Variants in LIN7A observed in about 807,000 individuals in gnomAD.
LIN7A encodes lin-7 cell polarity scaffold A, also known as protein lin-7 homolog A.
Under a neutral mutation model 29.8 loss-of-function variants are expected in LIN7A, and 25 were observed. That is an observed-to-expected ratio of 0.84 (90% confidence interval 0.61 to 1.17). The LOEUF is 1.17. LIN7A is among the 50% of genes most tolerant of loss of function. The probability of loss-of-function intolerance (pLI) is 0.00; values close to 1 mark genes in which losing one functional copy is unlikely to be tolerated. For missense variants in LIN7A, 239 were observed against 287.0 expected, an observed-to-expected ratio of 0.83 and a Z score of 1.21; for synonymous variants, 118 against 107.5, an observed-to-expected ratio of 1.10 and a Z score of -0.60.
intron 2 of LIN7A, among the ~76,000 whole-genome samples, chr12:80,849,593 C>G (rs759326135): frequency 4.6e-5 from 7 of 152,060 alleles, no homozygotes; most frequent in Non-Finnish European, 1.0e-4. Flanking sequence ...TGTCTGCTGC[C>G]CTTACTGCAA....
At chr12:80,871,258 G>A (rs572549533) in intron 2 of LIN7A, among the ~76,000 whole-genome samples, 33 of 152,226 alleles carry the variant, frequency 2.2e-4, no homozygotes, top group African/African-American at 7.9e-4. Context: ...GTGAGGTAAT[G>A]GAAAAGAATG....
At chr12:80,828,712 C>G (rs371561232) in intron 4 of LIN7A, among the ~76,000 whole-genome samples, 6 of 152,104 alleles carry the variant, frequency 3.9e-5, no homozygotes, top group South Asian at 2.1e-4. Context: ...GGTAACAAAT[C>G]ATTGTCTGGA....
At chr12:80,914,258 A>C (rs1200328248) in intron 1 of LIN7A, among the ~76,000 whole-genome samples, 1 of 152,198 alleles carries the variant, frequency 6.6e-6, no homozygotes, top group Non-Finnish European at 1.5e-5. Flanking sequence ...TGCATATTAC[A>C]TACCATTTGG....
rs532372511 is a variant in LIN7A at position 80,796,635 on chromosome 12, C to A, written c.*1092G>T. On this transcript the variant is annotated 3_prime_UTR_variant, in exon 6 of 6. Transcript: ENST00000552864. The stretch of plus-strand genomic sequence containing the variant: ...AATAATACTTGTTTATCTGAGAGTG[C>A]CAAAAATATCTGGTTTATATTTGGG... 3 of 152,128 alleles carry A rather than the reference C, an allele frequency of 2.0e-5. No homozygotes were observed. In the East Asian group the frequency reaches 5.8e-4, roughly 29 times the overall value. The allele number at this position is 152,128 out of a possible 1,614,324, so 9.4% of individuals were successfully genotyped here.
At chr12:80,844,479 A>G (rs534827184) in intron 4 of LIN7A, among the ~76,000 whole-genome samples, 2 of 152,310 alleles carry the variant, frequency 1.3e-5, no homozygotes, top group South Asian at 4.2e-4. Context: ...CCAATAAAAT[A>G]TCATGTTCCA....
intron 1 of LIN7A, among the ~76,000 whole-genome samples, chr12:80,926,795 G>C (rs1457246423): frequency 2.0e-5 from 3 of 151,902 alleles, no homozygotes; most frequent in Non-Finnish European, 4.4e-5. Context: ...CGGGCATGGT[G>C]GTGGGAGCCT....
chr12:80,911,303 A>G (rs1317970508), intron 1 of LIN7A, among the ~76,000 whole-genome samples: 2 of 134,536 alleles, frequency 1.5e-5, no homozygotes, highest in Non-Finnish European at 3.1e-5. Flanking sequence ...TGGGGAGAAG[A>G]TGAGGTCTCA....
intron 4 of LIN7A, among the ~76,000 whole-genome samples, chr12:80,816,064 T>A (rs1276979480): frequency 6.6e-6 from 1 of 152,122 alleles, no homozygotes; most frequent in African/African-American, 2.4e-5. Flanking sequence ...ATCCTGAAAA[T>A]GCTTCTATCT....
intron 1 of LIN7A, among the ~76,000 whole-genome samples, chr12:80,935,469 G>C (rs1878159438): frequency 6.6e-6 from 1 of 152,216 alleles, no homozygotes; most frequent in Non-Finnish European, 1.5e-5. Context: ...CTGATGTCCA[G>C]AGAGGCTGAT....
intron 1 of LIN7A, among the ~76,000 whole-genome samples, chr12:80,893,538 A>G (rs1341112227): frequency 6.6e-6 from 1 of 152,190 alleles, no homozygotes; most frequent in Non-Finnish European, 1.5e-5. Flanking sequence ...ATTACACCAC[A>G]GGCCTTTCCC....
intron 4 of LIN7A, among the ~76,000 whole-genome samples, chr12:80,839,352 A>G (rs879317379): frequency 4.6e-4 from 70 of 152,226 alleles, no homozygotes; most frequent in Non-Finnish European, 4.3e-4. Flanking sequence ...CTTCATTTGT[A>G]AAATGGGACT....
chr12:80,903,592 T>G (rs964012644), intron 1 of LIN7A, among the ~76,000 whole-genome samples: 6 of 152,146 alleles, frequency 3.9e-5, no homozygotes, highest in African/African-American at 1.4e-4. Flanking sequence ...CTTTACCCAA[T>G]TATTCACTGA....
chr12:80,880,479 G>A (rs983630522), intron 2 of LIN7A, among the ~76,000 whole-genome samples: 1 of 152,062 alleles, frequency 6.6e-6, no homozygotes, highest in African/African-American at 2.4e-5. Context: ...AAAAACTTTT[G>A]AAACTCTAGA....
intron 5 of LIN7A, among the ~76,000 whole-genome samples, chr12:80,798,021 A>AT (rs1870536234): frequency 6.6e-6 from 1 of 152,162 alleles, no homozygotes; most frequent in South Asian, 2.1e-4. Flanking sequence ...AGATGATTCT[A>AT]TTTTTCCTCA....
intron 5 of LIN7A, 83 bp downstream of exon 5, chr12:80,811,382 A>T (rs1871275863): frequency 2.2e-6 from 1 of 450,762 alleles, no homozygotes. Context: ...TCTAAAATAT[A>T]TTTTAAGTAT....
intron 1 of LIN7A, among the ~76,000 whole-genome samples, chr12:80,908,087 C>A (rs1876577501): frequency 6.6e-6 from 1 of 152,022 alleles, no homozygotes; most frequent in Non-Finnish European, 1.5e-5. Flanking sequence ...GAAGTTAAAA[C>A]CAGTACAAAG....
intron 1 of LIN7A, among the ~76,000 whole-genome samples, chr12:80,929,197 A>C (rs1476414380): frequency 6.6e-6 from 1 of 152,226 alleles, no homozygotes; most frequent in African/African-American, 2.4e-5. Flanking sequence ...TCTTTTCCAA[A>C]TAAAATACTC....
intron 4 of LIN7A, among the ~76,000 whole-genome samples, chr12:80,829,022 T>C (rs1872217790): frequency 6.6e-6 from 1 of 152,192 alleles, no homozygotes; most frequent in Non-Finnish European, 1.5e-5. Flanking sequence ...TGTATATTTT[T>C]AAATACAATA....
At chr12:80,873,252 A>G (rs558586071) in intron 2 of LIN7A, among the ~76,000 whole-genome samples, 1 of 152,330 alleles carries the variant, frequency 6.6e-6, no homozygotes, top group East Asian at 1.9e-4. Context: ...GGAACAGGTC[A>G]AGCACAGTGG....
Sources: gnomAD v4.1 joint callset for allele counts (sites outside exome capture counted in the v4.1 genomes callset) on GRCh38, gnomAD v4.1.1 for gene constraint, MANE v1.5 for transcripts, NCBI Gene and HGNC (gene_info 2026-07-23, HGNC 2026-07-21) for gene names.